Variants in CTNNA2 observed in about 807,000 individuals in gnomAD.
The protein encoded by CTNNA2 is catenin alpha-2.
In CTNNA2, 42 loss-of-function variants were observed where a neutral mutation model predicts 101.0. The observed-to-expected ratio is 0.42, with a 90% confidence interval of 0.32 to 0.54. The LOEUF (loss-of-function observed/expected upper bound fraction) is 0.54, where lower values mean the gene tolerates loss of function less well. Among genes scored for constraint, CTNNA2 ranks in the 20% least tolerant of loss-of-function variants. The pLI is 0.14. For synonymous variants in CTNNA2, 450 were observed against 456.4 expected (o/e 0.99, Z 0.18); for missense variants, 871 against 1,223.1 (o/e 0.71, Z 4.29).
chr2:80,477,662 C>G (rs1293207024), intron 9 of CTNNA2, among the ~76,000 whole-genome samples: 1 of 151,888 alleles, frequency 6.6e-6, no homozygotes, highest in Non-Finnish European at 1.5e-5. Context: ...TCCAGGTCCA[C>G]CCAAGTTTCT....
At chr2:80,419,771 A>G (rs527895980) in intron 9 of CTNNA2, among the ~76,000 whole-genome samples, 170 bp downstream of exon 9, 4 of 152,196 alleles carry the variant, frequency 2.6e-5, no homozygotes, top group African/African-American at 9.6e-5. Context: ...GAAGGAATCA[A>G]GCTACGAATC....
chr2:79,909,581 G>A lies in CTNNA2; in HGVS notation c.853-13G>A, dbSNP rs1370994653. On this transcript the variant is annotated splice_polypyrimidine_tract_variant and intron_variant, in intron 6 of 18. Transcript: ENST00000402739. The stretch of plus-strand genomic sequence containing the variant: ...TCTGCTGATTTTTGTGTGTGTGTGT[G>A]TGATACTTTCAGAATAAGATTATCC... 3 of 1,592,868 alleles carry A rather than the reference G, an allele frequency of 1.9e-6. No homozygotes were observed. The highest frequency in any genetic ancestry group is 2.6e-6 in the Non-Finnish European group (3 of 1,163,804).
At chr2:79,971,819 C>A (rs902960534) in intron 7 of CTNNA2, among the ~76,000 whole-genome samples, 16 of 152,176 alleles carry the variant, frequency 1.1e-4, no homozygotes, top group African/African-American at 3.9e-4. Context: ...TTGGACAAGG[C>A]TAAGCAAGGA....
chr2:80,000,081 A>G (rs777434880), intron 7 of CTNNA2, among the ~76,000 whole-genome samples: 1 of 152,144 alleles, frequency 6.6e-6, no homozygotes, highest in Non-Finnish European at 1.5e-5. Context: ...CAGATGAAGA[A>G]TCCTTGTTTT....
intron 2 of CTNNA2, among the ~76,000 whole-genome samples, chr2:79,201,798 A>G (rs1279619708): frequency 6.6e-6 from 1 of 152,104 alleles, no homozygotes; most frequent in Non-Finnish European, 1.5e-5. Context: ...CCCCAAATAT[A>G]TGAGATGGGT....
intron 1 of CTNNA2, among the ~76,000 whole-genome samples, chr2:79,577,359 G>A (rs953645331): frequency 6.6e-6 from 1 of 151,950 alleles, no homozygotes; most frequent in Non-Finnish European, 1.5e-5. Flanking sequence ...AACAATGTAA[G>A]TTTAGTCAAG....
chr2:80,567,026 G>C (rs1449602665), intron 12 of CTNNA2, among the ~76,000 whole-genome samples: 2 of 151,992 alleles, frequency 1.3e-5, no homozygotes, highest in African/African-American at 2.4e-5. Context: ...AGCCATCCTC[G>C]TACCTCCTAG....
At chr2:79,962,272 A>G (rs1689693061) in intron 7 of CTNNA2, among the ~76,000 whole-genome samples, 1 of 152,238 alleles carries the variant, frequency 6.6e-6, no homozygotes. Flanking sequence ...CCTGTTCCTC[A>G]TAGATAGTGC....
chr2:79,810,097 C>G (rs1676889850), intron 3 of CTNNA2, among the ~76,000 whole-genome samples: 1 of 152,128 alleles, frequency 6.6e-6, no homozygotes, highest in African/African-American at 2.4e-5. Flanking sequence ...TGTAAATGGG[C>G]TAAATGCCCC....
chr2:80,048,625 A>G (rs1696679441), intron 7 of CTNNA2, among the ~76,000 whole-genome samples: 1 of 152,220 alleles, frequency 6.6e-6, no homozygotes, highest in Non-Finnish European at 1.5e-5. Flanking sequence ...TGAAGGCAAA[A>G]TCACTGCCCC....
chr2:79,200,730 A>G (rs1457015190), intron 2 of CTNNA2, among the ~76,000 whole-genome samples: 1 of 152,158 alleles, frequency 6.6e-6, no homozygotes, highest in East Asian at 1.9e-4. Context: ...ACAAACCATG[A>G]AGGCCTTTTA....
intron 2 of CTNNA2, among the ~76,000 whole-genome samples, chr2:79,717,795 A>G (rs1411623544): frequency 6.6e-6 from 1 of 152,224 alleles, no homozygotes; most frequent in Non-Finnish European, 1.5e-5. Context: ...GGCCAACGTC[A>G]GAGACTGTAT....
chr2:80,589,654 G>T (rs1696263993), intron 15 of CTNNA2, among the ~76,000 whole-genome samples, 169 bp downstream of exon 15: 1 of 152,180 alleles, frequency 6.6e-6, no homozygotes, highest in Admixed American at 6.5e-5. Flanking sequence ...ATTCCTAGCA[G>T]ATAGGTATAT....
chr2:79,849,238 A>AGCCT, intron 3 of CTNNA2, among the ~76,000 whole-genome samples: 1 of 152,054 alleles, frequency 6.6e-6, no homozygotes, highest in South Asian at 2.1e-4. Context: ...AGGGACAGGC[A>AGCCT]GCCTTCTTAT....
intron 7 of CTNNA2, chr2:80,304,078 G>A (rs1558986412): frequency 5.0e-6 from 2 of 396,834 alleles, no homozygotes; most frequent in Non-Finnish European, 8.9e-6. Context: ...GTCCATGTTA[G>A]ATGCTGCAGC....
At chr2:79,400,400 A>G (rs891074758) in intron 4 of CTNNA2, among the ~76,000 whole-genome samples, 2 of 151,986 alleles carry the variant, frequency 1.3e-5, no homozygotes, top group Non-Finnish European at 2.9e-5. Context: ...GGGTTCCAAG[A>G]TGTATTTTCC....
At chr2:79,932,850 C>T (rs1347400723) in intron 7 of CTNNA2, among the ~76,000 whole-genome samples, 4 of 152,120 alleles carry the variant, frequency 2.6e-5, no homozygotes, top group Non-Finnish European at 4.4e-5. Flanking sequence ...TATTTCATGC[C>T]GTGGTCATGA....
intron 12 of CTNNA2, among the ~76,000 whole-genome samples, chr2:80,569,633 G>GTTTTTTGTTTTTTTTTTTTTTTTTTTTT (rs1553392642): frequency 7.7e-5 from 4 of 51,718 alleles, no homozygotes; most frequent in African/African-American, 1.8e-4. Context: ...GGGTATTTAG[G>GTTTTTTGTTTTTTTTTTTTTTTTTTTTT]TTTTTTTTTT....
At chr2:80,018,156 C>G (rs1282155848) in intron 7 of CTNNA2, among the ~76,000 whole-genome samples, 1 of 152,086 alleles carries the variant, frequency 6.6e-6, no homozygotes, top group African/African-American at 2.4e-5. Context: ...AGAAAGATGT[C>G]CTAGCTCTGT....
Sources: gnomAD v4.1 joint callset for allele counts (sites outside exome capture counted in the v4.1 genomes callset) on GRCh38, gnomAD v4.1.1 for gene constraint, MANE v1.5 for transcripts, NCBI Gene and HGNC (gene_info 2026-07-23, HGNC 2026-07-21) for gene names.